DPYD: variants seen among roughly 807,000 people sequenced by gnomAD.
DPYD encodes the protein dihydropyrimidine dehydrogenase [NADP(+)].
A neutral mutation model predicts 116.2 loss-of-function variants in DPYD; 109 were observed. That is an observed-to-expected ratio of 0.94 (90% CI 0.80 to 1.10). The LOEUF is 1.10. DPYD is among the 50% of genes least tolerant of loss of function. The pLI is 0.00. For missense variants in DPYD, 1,302 were observed against 1,254.5 expected (o/e 1.04, Z -0.57); for synonymous variants, 440 against 432.0 (o/e 1.02, Z -0.23).
chr1:97,362,771 T>C (rs1278010004), intron 16 of DPYD, among the ~76,000 whole-genome samples: 3 of 152,124 alleles, frequency 2.0e-5, no homozygotes, highest in Non-Finnish European at 4.4e-5. Flanking sequence ...TGAAACTGGA[T>C]CCCTTCCTTA....
chr1:97,413,137 A>T (rs1447903757), intron 14 of DPYD, among the ~76,000 whole-genome samples: 1 of 152,110 alleles, frequency 6.6e-6, no homozygotes, highest in African/African-American at 2.4e-5. Flanking sequence ...CAAAACAAAA[A>T]CCTCTTACAT....
chr1:97,100,516 C>T (rs149848779), intron 20 of DPYD, among the ~76,000 whole-genome samples: 216 of 152,146 alleles, frequency 1.4e-3, no homozygotes, highest in Non-Finnish European at 2.5e-3. Context: ...CTCAGGTTAG[C>T]AGGCTCCATG....
chr1:97,135,765 C>G (rs1206452344), intron 20 of DPYD, among the ~76,000 whole-genome samples: 1 of 152,060 alleles, frequency 6.6e-6, no homozygotes, highest in East Asian at 1.9e-4. Context: ...TACTCAATAG[C>G]TAAATTGATT....
intron 20 of DPYD, among the ~76,000 whole-genome samples, chr1:97,140,022 A>ATTT (rs796701262): frequency 2.7e-5 from 4 of 146,702 alleles, no homozygotes; most frequent in African/African-American, 1.0e-4. Flanking sequence ...GGCAACTGAC[A>ATTT]TTTTTTTTTT....
intron 5 of DPYD, among the ~76,000 whole-genome samples, chr1:97,715,672 T>A (rs961686212): frequency 1.3e-5 from 2 of 152,252 alleles, no homozygotes; most frequent in East Asian, 3.9e-4. Context: ...CATTTGATCA[T>A]CTTACTTATA....
chr1:97,207,877 T>C (rs1267304133), intron 19 of DPYD, among the ~76,000 whole-genome samples: 3 of 152,168 alleles, frequency 2.0e-5, no homozygotes, highest in Non-Finnish European at 4.4e-5. Flanking sequence ...GAATTCCCTC[T>C]CTATCTTTAA....
At chr1:97,399,557 A>T (rs1673235200) in intron 14 of DPYD, among the ~76,000 whole-genome samples, 1 of 151,938 alleles carries the variant, frequency 6.6e-6, no homozygotes, top group Admixed American at 6.6e-5. Context: ...CATTTTCACG[A>T]TATTTATTCT....
intron 11 of DPYD, among the ~76,000 whole-genome samples, chr1:97,568,263 C>A (rs962771295): frequency 3.3e-5 from 5 of 151,986 alleles, no homozygotes; most frequent in African/African-American, 1.2e-4. Flanking sequence ...TATTCCCAAA[C>A]AACATGAATA....
intron 11 of DPYD, among the ~76,000 whole-genome samples, chr1:97,560,844 G>T (rs558795040): frequency 2.0e-5 from 3 of 152,276 alleles, no homozygotes; most frequent in Admixed American, 2.0e-4. Flanking sequence ...TTGATGAGAT[G>T]CCATCAGAGC....
intron 11 of DPYD, among the ~76,000 whole-genome samples, chr1:97,561,445 T>C (rs1263974199): frequency 6.6e-6 from 1 of 152,182 alleles, no homozygotes; most frequent in Non-Finnish European, 1.5e-5. Context: ...TTTATTGAGT[T>C]AAGGACTGTG....
At chr1:97,079,318 A>G (rs1349258969) in intron 22 of DPYD, among the ~76,000 whole-genome samples, 172 bp from the exon 23 acceptor site, 3 of 152,188 alleles carry the variant, frequency 2.0e-5, no homozygotes, top group Admixed American at 2.0e-4. Context: ...GGAAAAAAAG[A>G]GCGAGAAAAG....
intron 3 of DPYD, among the ~76,000 whole-genome samples, chr1:97,786,689 T>A (rs569395921): frequency 4.1e-4 from 62 of 152,316 alleles, no homozygotes; most frequent in South Asian, 3.5e-3. Context: ...ATTTTTAGGC[T>A]GAAGAGTGTG....
rs1310013201 is a variant in DPYD at position 97,665,844 on chromosome 1, C to G, written c.850+13251G>C. On this transcript the variant is annotated intron_variant, in intron 8 of 22. Coordinates refer to ENST00000370192, the MANE Select transcript of DPYD (RefSeq NM_000110.4). ...TAATTCCACTGTACTGCCCTGAGCA[C>G]CTTGAATAAAAGGAACTATGCTCTG... 4.6e-5 allele frequency among the ~76,000 whole-genome samples: 7 copies of G among 152,140 alleles called. No individual in the cohort carries two copies. In the East Asian group the frequency reaches 1.3e-3, roughly 29 times the overall value.
intron 2 of DPYD, among the ~76,000 whole-genome samples, chr1:97,839,144 C>T (rs1669918586): frequency 6.6e-6 from 1 of 152,158 alleles, no homozygotes; most frequent in African/African-American, 2.4e-5. Context: ...GTTTTAGTAA[C>T]AAACATACTA....
In DPYD at chr1:97,715,680, A is replaced by G. The variant is rs2101012762; in HGVS notation, c.483+5830T>C. 2.0e-5 allele frequency among the ~76,000 whole-genome samples: 3 copies of G among 152,242 alleles called. No individual in the cohort carries two copies. In the Middle Eastern group the frequency reaches 0.01, roughly 518 times the overall value. On this transcript the variant is annotated intron_variant, in intron 5 of 22. Transcript: ENST00000370192. ...TCTCGGTCATTTGATCATCTTACTT[A>G]TAAAGCAATCAACATAATACACAGC...
rs201765721 is a variant in DPYD, at chr1:97,774,508, T to TA, written c.234-34030dup. On this transcript the variant is annotated intron_variant, in intron 3 of 22. Coordinates refer to ENST00000370192, the MANE Select transcript of DPYD (RefSeq NM_000110.4). ...CCAAAGGTGCAAATCAGACCACCTG[T>TA]AGAGGTACACCGACTCAGCCTCTAC... Among the ~76,000 whole-genome samples the TA allele has an allele frequency of 1.8e-3, 273 of 152,298 alleles. 8 individuals are homozygous for TA. The East Asian group carries it at 0.047, about 26-fold the overall frequency.
Position 97,699,562 on chromosome 1 carries a change from A to G in DPYD, c.484-15T>C. ...GCTTTGAATACCTACGGGGAAATCA[A>G]TTGTCATGGTTAAAATTTTGAAACT... On this transcript the variant is annotated splice_polypyrimidine_tract_variant and intron_variant, in intron 5 of 22. Coordinates refer to ENST00000370192, the MANE Select transcript of DPYD (RefSeq NM_000110.4). 2 of 1,612,640 alleles carry G rather than the reference A, an allele frequency of 1.2e-6. No individual in the cohort carries two copies. Among genetic ancestry groups the G allele is most frequent in the Non-Finnish European group, 1.7e-6 (2 of 1,178,856 alleles).
intron 3 of DPYD, among the ~76,000 whole-genome samples, chr1:97,749,508 G>T (rs1464351366): frequency 6.6e-6 from 1 of 152,070 alleles, no homozygotes; most frequent in African/African-American, 2.4e-5. Flanking sequence ...AGTTTTAATA[G>T]AGAATTTTAA....
At chr1:97,792,279 AT>A (rs551797517) in intron 3 of DPYD, among the ~76,000 whole-genome samples, 2,150 of 146,542 alleles carry the variant, frequency 0.015, 27 homozygotes, top group Non-Finnish European at 0.019. Flanking sequence ...TTTTTATTTT[AT>A]TTTTTTTTTT....
Sources: gnomAD v4.1 joint callset for allele counts (sites outside exome capture counted in the v4.1 genomes callset) on GRCh38, gnomAD v4.1.1 for gene constraint, MANE v1.5 for transcripts, NCBI Gene and HGNC (gene_info 2026-07-23, HGNC 2026-07-21) for gene names.